Variants in ATF7 observed in about 807,000 individuals in gnomAD.
ATF7 encodes cyclic AMP-dependent transcription factor ATF-7.
In ATF7, 10 loss-of-function variants were observed where a neutral mutation model predicts 50.4. That is an observed-to-expected ratio of 0.20 (90% CI 0.12 to 0.34). The LOEUF (loss-of-function observed/expected upper bound fraction) is 0.34, where lower values mean the gene tolerates loss of function less well. Ranked by LOEUF, ATF7 falls within the 10% of genes least tolerant of loss-of-function variation. The pLI is 1.00. For synonymous variants in ATF7, 201 were observed against 226.4 expected, an observed-to-expected ratio of 0.89 and a Z score of 1.01; for missense variants, 465 against 613.9, an observed-to-expected ratio of 0.76 and a Z score of 2.56.
At chr12:53,560,538 A>G (rs772322524) in intron 2 of ATF7, among the ~76,000 whole-genome samples, 20 of 152,214 alleles carry the variant, frequency 1.3e-4, no homozygotes, top group Admixed American at 7.9e-4. Context: ...ATTGTGACCA[A>G]TGAAATTTCT....
intron 11 of ATF7, chr12:53,522,582 G>C (rs1592776823): frequency 6.7e-6 from 1 of 149,238 alleles, no homozygotes; most frequent in East Asian, 2.0e-4. Context: ...AAACAACATA[G>C]ATGTGCCGGG....
intron 2 of ATF7, among the ~76,000 whole-genome samples, chr12:53,566,483 G>C (rs1377759378): frequency 1.3e-5 from 2 of 152,182 alleles, no homozygotes; most frequent in African/African-American, 4.8e-5. Context: ...ATCCACCGTG[G>C]TGGGGGTGGA....
chr12:53,615,671 T>C (rs561760353), intron 1 of ATF7, among the ~76,000 whole-genome samples: 178 of 152,174 alleles, frequency 1.2e-3, no homozygotes, highest in Middle Eastern at 0.01. Context: ...CCCAGGAGTT[T>C]TAGATCCCTG....
intron 2 of ATF7, among the ~76,000 whole-genome samples, chr12:53,576,918 TG>T (rs1202917453): frequency 3.3e-5 from 5 of 152,152 alleles, no homozygotes. Flanking sequence ...TAGTCGGGCA[TG>T]GTTGCGCAAG....
At chr12:53,518,605 G>GA (rs1272662366) in intron 11 of ATF7, among the ~76,000 whole-genome samples, 1 of 152,238 alleles carries the variant, frequency 6.6e-6, no homozygotes, top group Non-Finnish European at 1.5e-5. Context: ...TTACAGGTAT[G>GA]AGTCATCACA....
chr12:53,523,840 T>C (rs1938267170), intron 10 of ATF7, among the ~76,000 whole-genome samples: 1 of 152,158 alleles, frequency 6.6e-6, no homozygotes, highest in South Asian at 2.1e-4. Context: ...AAGAATGAGG[T>C]AGATCTCCCA....
intron 2 of ATF7, among the ~76,000 whole-genome samples, chr12:53,583,742 T>G (rs1223122234): frequency 3.3e-5 from 5 of 152,004 alleles, no homozygotes; most frequent in African/African-American, 1.2e-4. Context: ...TGAAAGACAA[T>G]GTCAAGAAAA....
At chr12:53,594,317 T>C (rs1308572203) in intron 2 of ATF7, among the ~76,000 whole-genome samples, 1 of 152,194 alleles carries the variant, frequency 6.6e-6, no homozygotes, top group East Asian at 1.9e-4. Context: ...TTAAGTTATA[T>C]CTAAGGAAAA....
intron 1 of ATF7, among the ~76,000 whole-genome samples, chr12:53,621,299 T>C (rs570724804): frequency 6.6e-6 from 1 of 152,180 alleles, no homozygotes; most frequent in Non-Finnish European, 1.5e-5. Context: ...TCATGTTGTA[T>C]AGCATTGTTC....
chr12:53,564,237 T>C (rs1394482810), intron 2 of ATF7, among the ~76,000 whole-genome samples: 1 of 152,164 alleles, frequency 6.6e-6, no homozygotes, highest in Non-Finnish European at 1.5e-5. Context: ...TAGCTGGACA[T>C]GGTGGTGCAT....
intron 2 of ATF7, among the ~76,000 whole-genome samples, chr12:53,592,950 G>T (rs1366554543): frequency 6.6e-6 from 1 of 152,050 alleles, no homozygotes. Flanking sequence ...TAAGTTTTTA[G>T]ACATAACCAA....
At chr12:53,554,870 GAAAAAAAAAAA>G (rs61675595) in intron 2 of ATF7, among the ~76,000 whole-genome samples, 1 of 76,046 alleles carries the variant, frequency 1.3e-5, no homozygotes, top group African/African-American at 4.9e-5. Flanking sequence ...CTCAAAAAAA[GAAAAAAAAAAA>G]AAAAAAAAAA....
intron 1 of ATF7, among the ~76,000 whole-genome samples, chr12:53,616,009 A>C (rs557904070): frequency 3.3e-5 from 5 of 152,326 alleles, no homozygotes; most frequent in African/African-American, 9.6e-5. Flanking sequence ...AGCCCTCCCC[A>C]AAAATTGACC....
intron 1 of ATF7, among the ~76,000 whole-genome samples, chr12:53,622,063 G>A (rs1400859966): frequency 6.6e-6 from 1 of 152,078 alleles, no homozygotes; most frequent in African/African-American, 2.4e-5. Flanking sequence ...CACTTTGGGA[G>A]GCCGAGGTAG....
chr12:53,606,564 A>T (rs539382651), intron 1 of ATF7, among the ~76,000 whole-genome samples: 37 of 151,594 alleles, frequency 2.4e-4, no homozygotes, highest in African/African-American at 6.5e-4. Context: ...GTTTTTTTTT[A>T]AATTTTAATA....
At chr12:53,530,972 T>C (rs1483003771) in intron 9 of ATF7, among the ~76,000 whole-genome samples, 1 of 152,210 alleles carries the variant, frequency 6.6e-6, no homozygotes, top group Non-Finnish European at 1.5e-5. Flanking sequence ...ATGGTTTTTG[T>C]TGTAAAATCT....
chr12:53,560,212 G>A (rs563523302), intron 2 of ATF7, among the ~76,000 whole-genome samples: 2 of 151,886 alleles, frequency 1.3e-5, no homozygotes, highest in South Asian at 2.1e-4. Flanking sequence ...ATGAGCCACC[G>A]CACCCGGCCT....
Position 53,524,806 on chromosome 12 carries a change from T to A in ATF7, c.928-45A>T. The A allele has an allele frequency of 3.4e-6, 5 of 1,477,828 alleles. No individual in the cohort carries two copies. The highest frequency in any genetic ancestry group is 2.6e-5 in the South Asian group (2 of 77,756). 91.5% of individuals were successfully genotyped at this position (1,477,828 alleles called of 1,614,324 possible). A position where few individuals can be genotyped will look rare whatever the true frequency, so the allele number is the denominator to read the frequency against. On this transcript the variant is annotated intron_variant, in intron 9 of 11. Transcript: ENST00000420353. The surrounding 1 kb of genome is among the most constrained non-coding windows in gnomAD (Gnocchi z 4.6). Reference sequence around the variant, plus strand: ...AGAGGTTACTTGATGGGAACATTAATCCTTTCCAAATCACACCTGATGTTA... The same window carrying A: ...AGAGGTTACTTGATGGGAACATTAAACCTTTCCAAATCACACCTGATGTTA...
chr12:53,610,096 C>T (rs976693180), intron 1 of ATF7, among the ~76,000 whole-genome samples: 4 of 151,640 alleles, frequency 2.6e-5, no homozygotes, highest in African/African-American at 2.4e-5. Context: ...GGATTACAGG[C>T]GTGAGCCACC....
Sources: gnomAD v4.1 joint callset for allele counts (sites outside exome capture counted in the v4.1 genomes callset) on GRCh38, gnomAD v4.1.1 for gene constraint, Gnocchi (gnomAD v3.1) non-coding constraint, MANE v1.5 for transcripts, NCBI Gene and HGNC (gene_info 2026-07-23, HGNC 2026-07-21) for gene names.